Variants in CDKL5 observed in about 807,000 individuals in gnomAD.
CDKL5 encodes cyclin dependent kinase like 5, also known as cyclin-dependent kinase-like 5.
Under a neutral mutation model 61.7 loss-of-function variants are expected in CDKL5, and 8 were observed. The observed-to-expected ratio is 0.13, with a 90% confidence interval of 0.08 to 0.23. The LOEUF (loss-of-function observed/expected upper bound fraction) is 0.23, where lower values mean the gene tolerates loss of function less well. Ranked by LOEUF, CDKL5 falls within the 10% of genes least tolerant of loss-of-function variation. CDKL5 has a pLI of 1.00. For synonymous variants in CDKL5, 275 were observed against 272.3 expected (o/e 1.01, Z -0.10); for missense variants, 440 against 734.5 (o/e 0.60, Z 4.63).
intron 1 of CDKL5, among the ~76,000 whole-genome samples, chrX:18,504,821 T>C (rs1240123071): frequency 9.3e-6 from 1 of 108,040 alleles, no homozygotes; most frequent in Non-Finnish European, 1.9e-5. Context: ...TAGTCCCAGC[T>C]ACACGGGAGG....
At chrX:18,620,466 G>A (rs1010728578) in intron 16 of CDKL5, among the ~76,000 whole-genome samples, 4 of 111,754 alleles carry the variant, frequency 3.6e-5, no homozygotes, top group South Asian at 3.8e-4. Context: ...TAGGGCTTGC[G>A]TTAGAAGGAA....
At chrX:18,451,439 G>A (rs1248610355) in intron 1 of CDKL5, among the ~76,000 whole-genome samples, 2 of 111,790 alleles carry the variant, frequency 1.8e-5, no homozygotes, top group Admixed American at 9.5e-5. Flanking sequence ...TGATTCACCC[G>A]CCTTGCCTCC....
At chrX:18,439,629 G>A (rs903972062) in intron 1 of CDKL5, among the ~76,000 whole-genome samples, 2 of 110,666 alleles carry the variant, frequency 1.8e-5, no homozygotes, top group African/African-American at 6.6e-5. Flanking sequence ...CCAGAGGTTG[G>A]GAGTTCGAGA....
chrX:18,596,857 G>A (rs1926011849), intron 10 of CDKL5, among the ~76,000 whole-genome samples: 1 of 112,255 alleles, frequency 8.9e-6, no homozygotes, highest in Non-Finnish European at 1.9e-5. Context: ...ACAAATAAAA[G>A]TAGAAAGATT....
intron 14 of CDKL5, 70 bp from the exon 15 acceptor site, chrX:18,613,082 G>A (rs1343058784): frequency 4.9e-5 from 46 of 947,974 alleles, no homozygotes; most frequent in African/African-American, 1.8e-4. Flanking sequence ...GTGACAGAGC[G>A]AGACTCTGTC....
Position 18,631,823 on chromosome X carries a change from A to G in CDKL5, c.*3066A>G, listed in dbSNP as rs1385130329. 1.5e-5 allele frequency: 11 copies of G among 752,439 alleles called. No individual in the cohort carries two copies. Among genetic ancestry groups the G allele is most frequent in the Non-Finnish European group, 1.7e-5 (11 of 639,015 alleles). The allele number at this position is 752,439 out of a possible 1,213,427, so 62.0% of individuals were successfully genotyped here. A position where few individuals can be genotyped will look rare whatever the true frequency, so the allele number is the denominator to read the frequency against. ...GCTCTAAAATTTAGCCTCTTTCTAG[A>G]GCCCAAGACCAAAAGGGAGTGCTTC... On this transcript the variant is annotated 3_prime_UTR_variant, in exon 18 of 18. Coordinates refer to ENST00000623535, the MANE Select transcript of CDKL5 (RefSeq NM_001323289.2).
At chrX:18,455,320 G>A (rs746569196) in intron 1 of CDKL5, among the ~76,000 whole-genome samples, 2 of 112,017 alleles carry the variant, frequency 1.8e-5, no homozygotes, top group African/African-American at 6.5e-5. Context: ...TTACAAAATT[G>A]GCACTTTCTT....
rs1927358879 is a variant in CDKL5, at chrX:18,635,454, G to A, written c.*6697G>A. 10 of 752,318 alleles carry A rather than the reference G, an allele frequency of 1.3e-5. No individual in the cohort carries two copies. The highest frequency in any genetic ancestry group is 7.5e-4 in the Middle Eastern group (1 of 1,341). 62.0% of individuals were successfully genotyped at this position (752,318 alleles called of 1,213,427 possible). ...CTGTGGTCCTTCGTGTTTGAACTGCGAACAGCTCCATTTTAGTTCCTTCTT... is the reference window on the plus strand; with the variant it reads ...CTGTGGTCCTTCGTGTTTGAACTGCAAACAGCTCCATTTTAGTTCCTTCTT... On this transcript the variant is annotated 3_prime_UTR_variant, in exon 18 of 18. Transcript: ENST00000623535.
chrX:18,465,916 A>G (rs769523321), intron 1 of CDKL5, among the ~76,000 whole-genome samples: 5 of 111,877 alleles, frequency 4.5e-5, no homozygotes, highest in South Asian at 7.4e-4. Flanking sequence ...GAATTTGATA[A>G]TTTTTGATGG....
At position 18,476,475 on chromosome X, in the gene CDKL5, C is replaced by G. The variant is rs150664822; in HGVS notation, c.-162-30460C>G. ...CAAGTGATTCACCTGCCTTGGCCTCCCAAAGTGCTGGGATTACAGGTGTCA... is the reference window on the plus strand; with the variant it reads ...CAAGTGATTCACCTGCCTTGGCCTCGCAAAGTGCTGGGATTACAGGTGTCA... On this transcript the variant is annotated intron_variant, in intron 1 of 17. Transcript: ENST00000623535. Among the ~76,000 whole-genome samples the G allele has an allele frequency of 7.5e-3, 840 of 112,002 alleles. 8 individuals carry two copies. The highest frequency in any genetic ancestry group is 0.025 in the African/African-American group (762 of 30,828).
chrX:18,426,044 TC>T (rs1197011053), intron 1 of CDKL5, among the ~76,000 whole-genome samples: 28 of 111,601 alleles, frequency 2.5e-4, no homozygotes, highest in South Asian at 7.3e-4. Context: ...GCCCCGCCGC[TC>T]CCGCGGCACG....
At position 18,637,657 on chromosome X, in the gene CDKL5, A is replaced by T. The variant is rs1927432541; in HGVS notation, c.*8900A>T. 9.0e-6 allele frequency: 1 copy of T among 111,520 alleles called. No homozygotes were observed. The highest frequency in any genetic ancestry group is 3.7e-4 in the South Asian group (1 of 2,672). The allele number at this position is 111,520 out of a possible 1,213,427, so 9.2% of individuals were successfully genotyped here. The stretch of plus-strand genomic sequence containing the variant: ...CCTACATCTCATGTGACTTGAAGCA[A>T]GGCACTTCACTATGCCTCAGTTTCC... On this transcript the variant is annotated 3_prime_UTR_variant, in exon 18 of 18. Transcript: ENST00000623535.
At chrX:18,468,205 A>T (rs1316003530) in intron 1 of CDKL5, among the ~76,000 whole-genome samples, 2 of 112,003 alleles carry the variant, frequency 1.8e-5, no homozygotes, top group Non-Finnish European at 3.8e-5. Flanking sequence ...AATGAATGGG[A>T]TCTGAGACTG....
chrX:18,497,715 AACCATC>A, intron 1 of CDKL5, among the ~76,000 whole-genome samples: 1 of 111,289 alleles, frequency 9.0e-6, no homozygotes, highest in Non-Finnish European at 1.9e-5. Flanking sequence ...ATGTCTATTT[AACCATC>A]ACTCAAGACA....
chrX:18,598,761 G>A (rs1926091038), intron 11 of CDKL5, 148 bp downstream of exon 11: 3 of 567,658 alleles, frequency 5.3e-6, no homozygotes, highest in African/African-American at 4.6e-5. Flanking sequence ...GCATGATTCA[G>A]AACCACAATT....
At chrX:18,528,807 G>T (rs966204461) in intron 3 of CDKL5, among the ~76,000 whole-genome samples, 1 of 110,663 alleles carries the variant, frequency 9.0e-6, no homozygotes, top group African/African-American at 3.3e-5. Flanking sequence ...CTAACTTTTT[G>T]TATTTTTTGT....
intron 1 of CDKL5, among the ~76,000 whole-genome samples, chrX:18,466,872 C>T (rs1920965687): frequency 9.0e-6 from 1 of 111,247 alleles, no homozygotes; most frequent in South Asian, 3.8e-4. Flanking sequence ...GAGCTCTCCG[C>T]ATTTGCAGAG....
chrX:18,642,128 G>A (rs1316792491), downstream of CDKL5: 4 of 1,212,120 alleles, frequency 3.3e-6, no homozygotes, highest in Non-Finnish European at 4.5e-6. Context: ...CTGAACCGTG[G>A]AGGTGCGGTC....
Position 18,528,137 on chromosome X carries a change from T to C in CDKL5, c.99+17283T>C, listed in dbSNP as rs192660264. ...ATCTTGGTAATTGTTCCATGTAAGC[T>C]TGAGAAGAATGTGTATTCTGCTGTT... On this transcript the variant is annotated intron_variant, in intron 3 of 17. Transcript: ENST00000623535. Among the ~76,000 whole-genome samples, 483 of 110,800 alleles carry C rather than the reference T, an allele frequency of 4.4e-3. 2 individuals carry two copies. The Middle Eastern group carries it at 0.047, about 11-fold the overall frequency.
Sources: allele counts gnomAD v4.1 joint callset (sites outside exome capture counted in the v4.1 genomes callset), GRCh38; gene constraint gnomAD v4.1.1; transcripts MANE v1.5; gene names NCBI Gene and HGNC (gene_info 2026-07-23, HGNC 2026-07-21).